Variants in SLC13A4 observed in about 807,000 individuals in gnomAD.
SLC13A4 encodes the protein Na(+)/sulfate cotransporter SUT-1.
SLC13A4 carries 28 observed loss-of-function variants against 72.7 expected under a neutral mutation model. The observed-to-expected ratio is 0.39, with a 90% CI of 0.29 to 0.53. The LOEUF is 0.53. Ranked by LOEUF, SLC13A4 falls within the 20% of genes least tolerant of loss-of-function variation. The pLI, the probability that SLC13A4 is intolerant of heterozygous loss-of-function variation, is 0.78. For missense variants in SLC13A4, 653 were observed against 788.0 expected (o/e 0.83, Z 2.05); for synonymous variants, 312 against 325.5 (o/e 0.96, Z 0.45).
intron 13 of SLC13A4, chr7:135,688,874 T>C (rs1795703991): frequency 6.6e-6 from 1 of 152,116 alleles, no homozygotes; most frequent in Non-Finnish European, 1.5e-5. Context: ...TTTTTTTTGT[T>C]TTTGTTCTTG....
Position 135,719,973 on chromosome 7 carries a change from G to A in SLC13A4, c.228+1422C>T, listed in dbSNP as rs571582396. On this transcript the variant is annotated intron_variant, in intron 2 of 15. Transcript: ENST00000682651. ...AGTTGGGGGGAGAGAGAGAGAGAGA[G>A]AGAAAGAGAGAGAAAGAAAGAAAAG... Among the ~76,000 whole-genome samples, 176 of 151,212 alleles carry A rather than the reference G, an allele frequency of 1.2e-3. 1 individual carries two copies. Among genetic ancestry groups the A allele is most frequent in the Non-Finnish European group, 2.1e-3 (142 of 67,792 alleles).
intron 8 of SLC13A4, among the ~76,000 whole-genome samples, chr7:135,695,914 T>G (rs1205940692): frequency 6.6e-6 from 1 of 152,166 alleles, no homozygotes; most frequent in Non-Finnish European, 1.5e-5. Flanking sequence ...ATCTGGAGCT[T>G]TAGGGCTTAA....
chr7:135,714,454 C>G (rs932754358), intron 2 of SLC13A4, among the ~76,000 whole-genome samples: 3 of 152,312 alleles, frequency 2.0e-5, no homozygotes, highest in Middle Eastern at 3.4e-3. Context: ...CTCTTCCCCC[C>G]AGAAACATTA....
At position 135,727,493 on chromosome 7, in the gene SLC13A4, C is replaced by A; in HGVS notation, c.4G>T (p.Gly2Cys). 6.5e-7 allele frequency: 1 copy of A among 1,550,324 alleles called. No individual in the cohort carries two copies. MGLLQGLLRVRK... is the reference protein window; with the variant it reads MCLLQGLLRVRK... ...ACTCGGAGCAGGCCCTGCAGCAGGC[C>A]CATCGCGCCTCTGTCCTCTCCAGCT... The change falls in exon 1 of 16, where the codon GGC (glycine) becomes TGC (cysteine). Residue 2 changes from glycine (G) to cysteine (C), a missense_variant. By Grantham distance (159) the Gly-to-Cys change is radical. Transcript: ENST00000682651.
chr7:135,721,574 G>T, intron 1 of SLC13A4, 51 bp from the exon 2 acceptor site: 3 of 1,606,388 alleles, frequency 1.9e-6, no homozygotes. Flanking sequence ...CACTGCCACT[G>T]AGCGTCCGGA....
intron 1 of SLC13A4, among the ~76,000 whole-genome samples, chr7:135,726,219 CCATTTGGA>C (rs1796654223): frequency 6.6e-6 from 1 of 152,002 alleles, no homozygotes; most frequent in South Asian, 2.1e-4. Flanking sequence ...AAAATCAGGC[CCATTTGGA>C]CAAAGCAGAA....
In SLC13A4 at chr7:135,681,466, T is replaced by C; in HGVS notation, c.*97A>G. Reference sequence around the variant, plus strand: ...GCCCTCCGGCGTGGGTCTGGGGTTGTGTGCTCCTGGTGGTCCTAGTGGTTT... The same window carrying C: ...GCCCTCCGGCGTGGGTCTGGGGTTGCGTGCTCCTGGTGGTCCTAGTGGTTT... On this transcript the variant is annotated 3_prime_UTR_variant, in exon 16 of 16. Transcript: ENST00000682651. 6.7e-7 allele frequency: 1 copy of C among 1,497,570 alleles called. No individual in the cohort carries two copies. Among genetic ancestry groups the C allele is most frequent in the Non-Finnish European group, 9.1e-7 (1 of 1,103,640 alleles). The allele number at this position is 1,497,570 out of a possible 1,614,324, so 92.8% of individuals were successfully genotyped here. A position where few individuals can be genotyped will look rare whatever the true frequency, so the allele number is the denominator to read the frequency against.
chr7:135,725,360 T>C (rs1440919184), intron 1 of SLC13A4, among the ~76,000 whole-genome samples: 1 of 152,150 alleles, frequency 6.6e-6, no homozygotes, highest in Admixed American at 6.5e-5. Context: ...TTTAAAAAAT[T>C]TAGCTTGGGC....
intron 2 of SLC13A4, among the ~76,000 whole-genome samples, chr7:135,716,660 G>T (rs1172651783): frequency 1.3e-5 from 2 of 152,186 alleles, no homozygotes; most frequent in Non-Finnish European, 2.9e-5. Context: ...TGCCTGGGGG[G>T]TTAAGAGCTC....
In SLC13A4 at chr7:135,727,460, G is replaced by A. The variant is rs1796690301; in HGVS notation, c.37C>T (p.Leu13=). Residue 13 remains leucine (L), a synonymous_variant, in exon 1 of 16, where the codon CTG becomes TTG. Transcript: ENST00000682651. The part of the protein sequence containing the change: ...LLQGLLRVRK[L]LLVVCVPLLL... ...AGCGGGACGCAGACGACCAGCAGCA[G>A]CTTCCGGACTCGGAGCAGGCCCTGC... 1.3e-6 allele frequency: 2 copies of A among 1,550,322 alleles called. No homozygotes were observed. The highest frequency in any genetic ancestry group is 1.7e-6 in the Non-Finnish European group (2 of 1,146,920).
chr7:135,714,201 TTCTTTGCAAA>T (rs1382782376), intron 2 of SLC13A4, among the ~76,000 whole-genome samples: 1 of 152,238 alleles, frequency 6.6e-6, no homozygotes, highest in Non-Finnish European at 1.5e-5. Flanking sequence ...TAAAAAAACA[TTCTTTGCAAA>T]TCCTGCCCTA....
chr7:135,707,597 C>G (rs1292826210), intron 3 of SLC13A4: 1 of 152,398 alleles, frequency 6.6e-6, no homozygotes, highest in Non-Finnish European at 1.5e-5. Flanking sequence ...TAACACAAAA[C>G]TCAACCTTGA....
chr7:135,713,157 A>T (rs7804549), intron 2 of SLC13A4, among the ~76,000 whole-genome samples: 1 of 151,946 alleles, frequency 6.6e-6, no homozygotes, highest in Non-Finnish European at 1.5e-5. Flanking sequence ...GATAACGAAG[A>T]TTGTTAGAGT....
At chr7:135,682,804 T>A (rs999265590) in intron 15 of SLC13A4, among the ~76,000 whole-genome samples, 2 of 152,116 alleles carry the variant, frequency 1.3e-5, no homozygotes, top group East Asian at 3.9e-4. Flanking sequence ...CTGCCTCTGA[T>A]CATTTGATTC....
At chr7:135,704,615 G>A (rs1796120944) in intron 5 of SLC13A4, 2 of 150,728 alleles carry the variant, frequency 1.3e-5, no homozygotes, top group African/African-American at 4.9e-5. Context: ...TGAGGGGTGG[G>A]TGGGTATGGG....
At chr7:135,688,698 A>T (rs1430393897) in intron 13 of SLC13A4, among the ~76,000 whole-genome samples, 1 of 152,242 alleles carries the variant, frequency 6.6e-6, no homozygotes, top group Non-Finnish European at 1.5e-5. Flanking sequence ...GTATGAAAAC[A>T]TTTTACAATG....
rs941158631 is a variant in SLC13A4 at position 135,681,523 on chromosome 7, C to T, written c.*40G>A. ...CCTGTGGTCCAGATACTGCTGGATA[C>T]TGGCAGCTCCTGTGGTTGGGCCAGT... On this transcript the variant is annotated 3_prime_UTR_variant, in exon 16 of 16. Transcript: ENST00000682651. 34 of 1,597,972 alleles carry T rather than the reference C, an allele frequency of 2.1e-5. No homozygotes were observed. Among genetic ancestry groups the T allele is most frequent in the Non-Finnish European group, 2.8e-5 (33 of 1,170,628 alleles).
chr7:135,722,533 C>A (rs530485238), intron 1 of SLC13A4, among the ~76,000 whole-genome samples: 8 of 152,098 alleles, frequency 5.3e-5, no homozygotes, highest in African/African-American at 1.9e-4. Context: ...CCAGCCTCAT[C>A]CCAAATGGAG....
rs763785417 is a variant in SLC13A4 at position 135,706,220 on chromosome 7, G to C, written c.446C>G (p.Pro149Arg). The change falls in exon 4 of 16, where the codon CCC (proline) becomes CGC (arginine). Residue 149 changes from proline to arginine, a missense_variant. By Grantham distance (103) the Pro-to-Arg change is moderately radical (BLOSUM62 -2). Transcript: ENST00000682651. ...CTCCTGCAGCACGGCCTCCACGATG[G>C]GCATCACCATGGCGGTGGTGGAGGT... is the stretch of plus-strand genomic sequence containing the variant. ...SNTSTTAMVM[P>R]IVEAVLQELV... 1.2e-6 allele frequency: 2 copies of C among 1,613,998 alleles called. No individual in the cohort carries two copies. Among genetic ancestry groups the C allele is most frequent in the Admixed American group, 3.3e-5 (2 of 60,026 alleles).
Sources: gnomAD v4.1 joint callset for allele counts (sites outside exome capture counted in the v4.1 genomes callset) on GRCh38, gnomAD v4.1.1 for gene constraint, MANE v1.5 for transcripts, NCBI Gene and HGNC (gene_info 2026-07-23, HGNC 2026-07-21) for gene names.